Variants in GRIK3 observed in about 807,000 individuals in gnomAD.
GRIK3 encodes glutamate receptor ionotropic, kainate 3.
Under a neutral mutation model 102.5 loss-of-function variants are expected in GRIK3, and 29 were observed. That is an observed-to-expected ratio of 0.28 (90% CI 0.21 to 0.39). GRIK3 has a LOEUF of 0.39. GRIK3 is among the 10% of genes least tolerant of loss of function. GRIK3 has a pLI of 1.00. For missense variants in GRIK3, 908 were observed against 1,252.4 expected (o/e 0.73, Z 4.15); for synonymous variants, 511 against 504.9 (o/e 1.01, Z -0.16).
At chr1:36,891,217 T>C (rs1311868387) in intron 1 of GRIK3, 121 bp from the exon 2 acceptor site, 1 of 686,054 alleles carries the variant, frequency 1.5e-6, no homozygotes, top group Non-Finnish European at 2.5e-6. Flanking sequence ...AATAATATCC[T>C]AGGTAACTGC....
intron 1 of GRIK3, among the ~76,000 whole-genome samples, chr1:36,962,631 A>T (rs1642024471): frequency 7.2e-6 from 1 of 139,036 alleles, no homozygotes. Context: ...AGTGAGAGAG[A>T]GGGAGAGGAA....
chr1:36,825,433 T>C (rs1642744941), intron 11 of GRIK3, among the ~76,000 whole-genome samples, 170 bp downstream of exon 11: 3 of 152,146 alleles, frequency 2.0e-5, no homozygotes, highest in Non-Finnish European at 4.4e-5. Context: ...AGGCATGGAA[T>C]GTTCCTTGAG....
rs3767093 is a variant in GRIK3 at position 36,965,893 on chromosome 1, A to G, written c.115+68101T>C. On this transcript the variant is annotated intron_variant, in intron 1 of 15. Coordinates refer to ENST00000373091, the MANE Select transcript of GRIK3 (RefSeq NM_000831.4). ...GCAGCTCTGTAATTTACAAGACCATAAAGTCGGGGGCTCCCATGCTCCCGC... is the reference window on the plus strand; with the variant it reads ...GCAGCTCTGTAATTTACAAGACCATGAAGTCGGGGGCTCCCATGCTCCCGC... 9.8e-5 allele frequency among the ~76,000 whole-genome samples: 15 copies of G among 152,320 alleles called. No homozygotes were observed. The East Asian group carries it at 2.7e-3, about 27-fold the overall frequency.
intron 5 of GRIK3, among the ~76,000 whole-genome samples, chr1:36,867,262 T>G (rs1035699906): frequency 4.6e-5 from 7 of 152,148 alleles, no homozygotes; most frequent in African/African-American, 1.7e-4. Context: ...CTTTCTCTGA[T>G]TATCACCCAC....
chr1:37,014,469 G>A (rs1341600176), intron 1 of GRIK3, among the ~76,000 whole-genome samples: 1 of 152,224 alleles, frequency 6.6e-6, no homozygotes, highest in Non-Finnish European at 1.5e-5. Flanking sequence ...TTCCTTTTCT[G>A]GCAGATTCTT....
chr1:36,812,396 G>A (rs1642572596), intron 13 of GRIK3, among the ~76,000 whole-genome samples: 1 of 152,136 alleles, frequency 6.6e-6, no homozygotes. Flanking sequence ...TAAGTGCTTG[G>A]AGAAGCTGTC....
intron 1 of GRIK3, among the ~76,000 whole-genome samples, chr1:36,963,767 C>A (rs770247291): frequency 1.3e-5 from 2 of 152,216 alleles, no homozygotes; most frequent in Non-Finnish European, 2.9e-5. Context: ...TCCCCCTCAA[C>A]CCCCAGCAGC....
At chr1:36,847,973 G>A (rs1640536897) in intron 9 of GRIK3, among the ~76,000 whole-genome samples, 1 of 152,198 alleles carries the variant, frequency 6.6e-6, no homozygotes, top group Admixed American at 6.5e-5. Flanking sequence ...GGGCTACCTA[G>A]GAACCAGCAG....
chr1:36,811,485 C>T (rs1642562171), intron 13 of GRIK3, among the ~76,000 whole-genome samples: 3 of 152,154 alleles, frequency 2.0e-5, no homozygotes, highest in Admixed American at 6.5e-5. Flanking sequence ...GCTGCACAGG[C>T]CTGTGTATCA....
chr1:37,011,166 C>A (rs1642592299), intron 1 of GRIK3, among the ~76,000 whole-genome samples: 1 of 152,164 alleles, frequency 6.6e-6, no homozygotes, highest in Non-Finnish European at 1.5e-5. Context: ...TCAGGGTGGC[C>A]ACGTTTAAAT....
intron 4 of GRIK3, among the ~76,000 whole-genome samples, chr1:36,871,922 A>G (rs564192085): frequency 3.9e-5 from 6 of 152,084 alleles, no homozygotes; most frequent in African/African-American, 9.6e-5. Flanking sequence ...ACTCGTGTCT[A>G]CTCAGCACTC....
At chr1:37,013,534 C>T (rs1642618982) in intron 1 of GRIK3, among the ~76,000 whole-genome samples, 1 of 152,166 alleles carries the variant, frequency 6.6e-6, no homozygotes, top group Non-Finnish European at 1.5e-5. Flanking sequence ...TAAGTAGGCT[C>T]CCTTAGGGCT....
intron 1 of GRIK3, among the ~76,000 whole-genome samples, chr1:37,024,347 A>C (rs1642745383): frequency 6.6e-6 from 1 of 152,126 alleles, no homozygotes; most frequent in Non-Finnish European, 1.5e-5. Context: ...TAGGAATAAT[A>C]GACAACATGT....
chr1:36,900,722 C>G (rs1641224740), intron 1 of GRIK3, among the ~76,000 whole-genome samples: 1 of 151,956 alleles, frequency 6.6e-6, no homozygotes, highest in African/African-American at 2.4e-5. Context: ...ATCAATGAAA[C>G]TGAAAACAAG....
chr1:36,853,806 T>C, intron 7 of GRIK3, 84 bp from the exon 8 acceptor site: 1 of 794,214 alleles, frequency 1.3e-6, no homozygotes, highest in South Asian at 1.4e-5. Flanking sequence ...TCATTTTAAT[T>C]ACTCCTTGCA....
At chr1:36,889,879 T>A (rs481418) in intron 2 of GRIK3, among the ~76,000 whole-genome samples, 1 of 152,136 alleles carries the variant, frequency 6.6e-6, no homozygotes, top group African/African-American at 2.4e-5. Context: ...GATTCCAGGC[T>A]TTTGTTCTGT....
At chr1:36,943,828 C>G (rs1157831538) in intron 1 of GRIK3, among the ~76,000 whole-genome samples, 1 of 152,198 alleles carries the variant, frequency 6.6e-6, no homozygotes, top group African/African-American at 2.4e-5. Context: ...AGGGAGAAGC[C>G]CTGGGAAGCC....
chr1:36,945,586 T>C (rs1202699468), intron 1 of GRIK3, among the ~76,000 whole-genome samples: 1 of 152,166 alleles, frequency 6.6e-6, no homozygotes, highest in Non-Finnish European at 1.5e-5. Context: ...TACAGATAGC[T>C]CAGAGTGTCT....
chr1:36,949,574 CTTTTTTTTTT>C (rs60157852), intron 1 of GRIK3, among the ~76,000 whole-genome samples: 6 of 99,682 alleles, frequency 6.0e-5, no homozygotes, highest in South Asian at 8.2e-4. Flanking sequence ...CTCTCTCTTT[CTTTTTTTTTT>C]TTTTTTTTTT....
Sources: gnomAD v4.1 joint callset for allele counts (sites outside exome capture counted in the v4.1 genomes callset) on GRCh38, gnomAD v4.1.1 for gene constraint, MANE v1.5 for transcripts, NCBI Gene and HGNC (gene_info 2026-07-23, HGNC 2026-07-21) for gene names.